RAB44: variants seen among roughly 807,000 people sequenced by gnomAD.
RAB44 encodes the protein ras-related protein Rab-44.
RAB44 carries 67 observed loss-of-function variants against 93.3 expected under a neutral mutation model. The ratio of observed to expected loss-of-function variants is 0.72; its 90% CI spans 0.59 to 0.88. The LOEUF is 0.88. Among genes scored for constraint, RAB44 ranks in the 40% least tolerant of loss-of-function variants. The pLI is 0.00. For synonymous variants in RAB44, 427 were observed against 520.3 expected (o/e 0.82, Z 2.44); for missense variants, 1,064 against 1,261.7 (o/e 0.84, Z 2.37).
chr6:36,704,476 C>T, intron 2 of RAB44, 34 bp downstream of exon 2: 1 of 1,514,160 alleles, frequency 6.6e-7, no homozygotes. Context: ...ATGCTGAATC[C>T]CTTTTCCGCA....
chr6:36,720,281 T>C, intron 7 of RAB44, 82 bp from the exon 8 acceptor site: 1 of 1,140,254 alleles, frequency 8.8e-7, no homozygotes, highest in Non-Finnish European at 1.1e-6. Flanking sequence ...GGTGGGGGTC[T>C]GTGTCCCACA....
intron 1 of RAB44, among the ~76,000 whole-genome samples, chr6:36,701,118 CTT>C (rs376388770): frequency 6.6e-6 from 1 of 152,050 alleles, no homozygotes; most frequent in Non-Finnish European, 1.5e-5. Context: ...ATTAGAAAGA[CTT>C]TTTTTCTGAG....
intron 8 of RAB44, 56 bp downstream of exon 8, chr6:36,720,606 T>G: frequency 1.7e-6 from 2 of 1,191,268 alleles, no homozygotes; most frequent in Non-Finnish European, 1.1e-6. Flanking sequence ...CTGGAACCAG[T>G]GGGGAACTCT....
At chr6:36,704,619 T>C (rs1402429668) in intron 2 of RAB44, among the ~76,000 whole-genome samples, 177 bp downstream of exon 2, 2 of 152,330 alleles carry the variant, frequency 1.3e-5, no homozygotes, top group African/African-American at 4.8e-5. Context: ...TAAGGCTTTA[T>C]GTGTTGCCCT....
intron 4 of RAB44, among the ~76,000 whole-genome samples, chr6:36,716,874 A>C (rs973321800): frequency 2.0e-5 from 3 of 152,166 alleles, no homozygotes; most frequent in African/African-American, 7.2e-5. Context: ...CTCATTCCCC[A>C]GTGACCTTGC....
At chr6:36,723,853 A>AAAAAAAAAAAAAAAAAAC (rs1763163286) in intron 9 of RAB44, among the ~76,000 whole-genome samples, 1 of 150,004 alleles carries the variant, frequency 6.7e-6, no homozygotes, top group African/African-American at 2.4e-5. Flanking sequence ...AAAAAAAAAA[A>AAAAAAAAAAAAAAAAAAC]AGCAAACCCG....
chr6:36,706,670 C>A (rs551377295), intron 2 of RAB44, among the ~76,000 whole-genome samples: 1 of 152,270 alleles, frequency 6.6e-6, no homozygotes, highest in Non-Finnish European at 1.5e-5. Context: ...AGGACAGATT[C>A]TGTTGAACCT....
rs534527709 is a variant in RAB44 at position 36,722,466 on chromosome 6, T to C, written c.2332T>C (p.Ser778Pro). 1,767 of 1,447,354 alleles carry C rather than the reference T, an allele frequency of 1.2e-3. No individual in the cohort carries two copies. Among genetic ancestry groups the C allele is most frequent in the Admixed American group, 2.8e-3 (106 of 38,090 alleles). 89.7% of individuals were successfully genotyped at this position (1,447,354 alleles called of 1,614,324 possible). A position where few individuals can be genotyped will look rare whatever the true frequency, so the allele number is the denominator to read the frequency against. The change falls in exon 9 of 14, where the codon TCC (serine) becomes CCC (proline). Residue 778 changes from serine (S) to proline (P), a missense_variant. Physicochemically the swap from Ser to Pro is moderately conservative, Grantham distance 74. Transcript: ENST00000612677. Reference sequence around the variant, plus strand: ...TGAGCAGGAAGCCCAACCCAGGCCATCCCTCACGACTGCTCACGCAGAAGA... The same window carrying C: ...TGAGCAGGAAGCCCAACCCAGGCCACCCCTCACGACTGCTCACGCAGAAGA... ...MAEQEAQPRP[S>P]LTTAHAEEQG...
At position 36,717,947 on chromosome 6, in the gene RAB44, C is replaced by G; in HGVS notation, c.642-81C>G. 3.5e-6 allele frequency: 3 copies of G among 868,634 alleles called. No individual in the cohort carries two copies. Among genetic ancestry groups the G allele is most frequent in the Non-Finnish European group, 4.6e-6 (3 of 656,596 alleles). The allele number at this position is 868,634 out of a possible 1,614,324, so 53.8% of individuals were successfully genotyped here. On this transcript the variant is annotated intron_variant, in intron 5 of 13. Transcript: ENST00000612677. The surrounding 1 kb of genome is among the most constrained non-coding windows in gnomAD (Gnocchi z 4.1). ...GAAAGCAATAGGATGGATTCCAAAC[C>G]CAAGCCCAGACTGCCCCTGCCAGCA...
chr6:36,704,862 G>A (rs1238446274), intron 2 of RAB44, among the ~76,000 whole-genome samples: 2 of 152,198 alleles, frequency 1.3e-5, no homozygotes, highest in Middle Eastern at 3.2e-3. Flanking sequence ...GTTCATGCCT[G>A]TAATCCCAGC....
intron 7 of RAB44, among the ~76,000 whole-genome samples, chr6:36,719,607 T>A (rs1412111005): frequency 6.6e-6 from 1 of 152,028 alleles, no homozygotes; most frequent in Non-Finnish European, 1.5e-5. Flanking sequence ...CTAAGGAGAA[T>A]AAAGTAAAAC....
Position 36,715,477 on chromosome 6 carries a change from A to G in RAB44, c.320-2A>G. 6.5e-7 allele frequency: 1 copy of G among 1,536,106 alleles called. No homozygotes were observed. The highest frequency in any genetic ancestry group is 1.2e-5 in the South Asian group (1 of 84,066). ...TCCCCTCTGTCCACTTCTGTCCCAC[A>G]GAAAACATCTTTGGCTCCAGCCAGA... On this transcript the variant is annotated splice_acceptor_variant, in intron 3 of 13. Transcript: ENST00000612677. LOFTEE classifies it high-confidence loss of function.
chr6:36,722,095 G>A lies in RAB44; in HGVS notation c.1961G>A (p.Gly654Asp). The A allele has an allele frequency of 8.1e-7, 1 of 1,235,592 alleles. No homozygotes were observed. The allele number at this position is 1,235,592 out of a possible 1,614,324, so 76.5% of individuals were successfully genotyped here. The change falls in exon 9 of 14, where the codon GGC (glycine) becomes GAC (aspartate). Residue 654 changes from glycine to aspartate, a missense_variant. Transcript: ENST00000612677. Reference protein sequence around the residue: ...GLPEGLREAHGQVLGLGELSA... With the variant: ...GLPEGLREAHDQVLGLGELSA... ...CCTGAGGGGCTAAGAGAAGCTCATG[G>A]CCAGGTCCTTGGGCTGGGTGAGCTG... is the stretch of plus-strand genomic sequence containing the variant.
At chr6:36,721,051 G>C (rs982462750) in intron 8 of RAB44, 100 bp from the exon 9 acceptor site, 1 of 1,120,642 alleles carries the variant, frequency 8.9e-7, no homozygotes, top group Non-Finnish European at 1.1e-6. Flanking sequence ...AGGAGACCTG[G>C]CCATGGGGAG....
intron 8 of RAB44, 68 bp from the exon 9 acceptor site, chr6:36,721,083 C>A (rs941124041): frequency 3.3e-6 from 4 of 1,220,852 alleles, no homozygotes; most frequent in Non-Finnish European, 4.1e-6. Flanking sequence ...GTGAGGGCTG[C>A]AGGTGGGATG....
chr6:36,702,296 GA>G (rs1562050513), intron 1 of RAB44, among the ~76,000 whole-genome samples: 1 of 10,182 alleles, frequency 9.8e-5, no homozygotes, highest in Non-Finnish European at 3.5e-4. Context: ...CGAAGGGGGA[GA>G]GAGAGAGAGA....
intron 3 of RAB44, among the ~76,000 whole-genome samples, chr6:36,714,693 G>A (rs1014166679): frequency 2.0e-5 from 3 of 152,164 alleles, no homozygotes; most frequent in African/African-American, 7.2e-5. Context: ...GGCGCAGAGG[G>A]AGCATTGCTG....
Position 36,704,311 on chromosome 6 carries a change from G to C in RAB44, c.76G>C (p.Ala26Pro). Residue 26 changes from alanine (A) to proline (P), a missense_variant, in exon 2 of 14, where the codon GCT (alanine) becomes CCT (proline). Physicochemically the swap from Ala to Pro is conservative, Grantham distance 27. Coordinates refer to ENST00000612677, the MANE Select transcript of RAB44 (RefSeq NM_001257357.2). ...SNRRRQTREPADGEGAAVAPE... is the reference protein window; with the variant it reads ...SNRRRQTREPPDGEGAAVAPE... Reference sequence around the variant, plus strand: ...CCGGCGGCGGCAGACAAGAGAGCCAGCTGATGGTGAAGGCGCTGCAGTGGC... The same window carrying C: ...CCGGCGGCGGCAGACAAGAGAGCCACCTGATGGTGAAGGCGCTGCAGTGGC... The C allele has an allele frequency of 6.5e-7, 1 of 1,536,190 alleles. No individual in the cohort carries two copies. Among genetic ancestry groups the C allele is most frequent in the Non-Finnish European group, 8.7e-7 (1 of 1,146,918 alleles).
rs878977501 is a variant in RAB44 at position 36,717,134 on chromosome 6, G to C, written c.495-139G>C. 38 of 766,060 alleles carry C rather than the reference G, an allele frequency of 5.0e-5. No individual in the cohort carries two copies. The African/African-American group carries it at 5.6e-4, about 11-fold the overall frequency. The allele number at this position is 766,060 out of a possible 1,614,324, so 47.5% of individuals were successfully genotyped here. A position where few individuals can be genotyped will look rare whatever the true frequency, so the allele number is the denominator to read the frequency against. On this transcript the variant is annotated intron_variant, in intron 4 of 13. Coordinates refer to ENST00000612677, the MANE Select transcript of RAB44 (RefSeq NM_001257357.2). The surrounding 1 kb of genome is among the most constrained non-coding windows in gnomAD (Gnocchi z 4.1). ...GGAGGTGGCGTTTTAGTTGCATCTT[G>C]TAGGGTGTCAATAGATTTGGCCCAG...
Sources: gnomAD v4.1 joint callset for allele counts (sites outside exome capture counted in the v4.1 genomes callset) on GRCh38, gnomAD v4.1.1 for gene constraint, Gnocchi (gnomAD v3.1) non-coding constraint, MANE v1.5 for transcripts, NCBI Gene and HGNC (gene_info 2026-07-23, HGNC 2026-07-21) for gene names.